CNTNAP2: variants seen among roughly 807,000 people sequenced by gnomAD.
CNTNAP2 encodes the protein contactin associated protein 2.
Under a neutral mutation model 155.2 loss-of-function variants are expected in CNTNAP2, and 98 were observed. That is an observed-to-expected ratio of 0.63 (90% CI 0.54 to 0.75). The LOEUF (loss-of-function observed/expected upper bound fraction) is 0.75. CNTNAP2 is among the 30% of genes least tolerant of loss of function. The pLI, the probability that CNTNAP2 is intolerant of heterozygous loss-of-function variation, is 0.00. For missense variants in CNTNAP2, 1,727 were observed against 1,688.1 expected (o/e 1.02, Z -0.40); for synonymous variants, 651 against 631.2 (o/e 1.03, Z -0.47).
At chr7:147,245,704 G>C (rs997555039) in intron 8 of CNTNAP2, among the ~76,000 whole-genome samples, 3 of 125,816 alleles carry the variant, frequency 2.4e-5, no homozygotes, top group African/African-American at 9.1e-5. Context: ...CATGTTGGCA[G>C]TAAGCTGAGA....
chr7:146,986,200 T>C (rs759464822), intron 3 of CNTNAP2, among the ~76,000 whole-genome samples: 1 of 152,198 alleles, frequency 6.6e-6, no homozygotes, highest in Non-Finnish European at 1.5e-5. Flanking sequence ...TGTCATTCTA[T>C]GCCTTTGCAT....
chr7:146,702,704 C>G (rs1800897574), intron 1 of CNTNAP2, among the ~76,000 whole-genome samples: 1 of 152,098 alleles, frequency 6.6e-6, no homozygotes, highest in South Asian at 2.1e-4. Context: ...CTTCAATTAT[C>G]TGGAAACTCA....
At chr7:146,578,852 AT>A (rs913641808) in intron 1 of CNTNAP2, among the ~76,000 whole-genome samples, 3 of 151,946 alleles carry the variant, frequency 2.0e-5, no homozygotes, top group East Asian at 1.9e-4. Flanking sequence ...ATTAAGTCAG[AT>A]TTTTTTTAAA....
At chr7:146,755,438 GA>G (rs962626589) in intron 1 of CNTNAP2, among the ~76,000 whole-genome samples, 3 of 152,080 alleles carry the variant, frequency 2.0e-5, no homozygotes, top group Admixed American at 1.3e-4. Context: ...GAAGATATTA[GA>G]AAACTCAAAT....
At chr7:147,629,272 G>A (rs1292693546) in intron 12 of CNTNAP2, among the ~76,000 whole-genome samples, 4 of 151,896 alleles carry the variant, frequency 2.6e-5, no homozygotes, top group Non-Finnish European at 5.9e-5. Context: ...GCAACGTGAT[G>A]GGTGCCTGTA....
chr7:147,933,501 A>ATAGAT (rs1246775053), intron 14 of CNTNAP2, among the ~76,000 whole-genome samples: 9 of 84,018 alleles, frequency 1.1e-4, no homozygotes, highest in Admixed American at 7.3e-4. Context: ...TGTGAGATAG[A>ATAGAT]TAGATAGATA....
At chr7:146,870,127 A>G (rs1265968103) in intron 3 of CNTNAP2, among the ~76,000 whole-genome samples, 3 of 151,890 alleles carry the variant, frequency 2.0e-5, no homozygotes, top group Non-Finnish European at 4.4e-5. Flanking sequence ...TCCCTCCTCA[A>G]TATTTTGGAA....
chr7:147,214,365 G>A (rs992490789), intron 8 of CNTNAP2, among the ~76,000 whole-genome samples: 2 of 151,996 alleles, frequency 1.3e-5, no homozygotes, highest in Non-Finnish European at 2.9e-5. Flanking sequence ...TAATAATATA[G>A]GACACTGGCT....
intron 8 of CNTNAP2, among the ~76,000 whole-genome samples, chr7:147,177,572 A>T (rs1275700958): frequency 6.6e-6 from 1 of 152,192 alleles, no homozygotes; most frequent in African/African-American, 2.4e-5. Flanking sequence ...TAGCTTCTGT[A>T]GTCAATGATT....
At chr7:148,032,750 T>A (rs942553885) in intron 15 of CNTNAP2, among the ~76,000 whole-genome samples, 3 of 152,166 alleles carry the variant, frequency 2.0e-5, no homozygotes, top group African/African-American at 7.2e-5. Context: ...GCCATTCACC[T>A]CACCTGCTGA....
chr7:146,718,951 T>C (rs1801238682), intron 1 of CNTNAP2, among the ~76,000 whole-genome samples: 2 of 152,192 alleles, frequency 1.3e-5, no homozygotes, highest in South Asian at 4.1e-4. Flanking sequence ...TTTACAATTA[T>C]GTCCAATACG....
rs1036099687 is a variant in CNTNAP2 at position 147,422,237 on chromosome 7, A to G, written c.1670+26457A>G. On this transcript the variant is annotated intron_variant, in intron 10 of 23. Transcript: ENST00000361727. The stretch of plus-strand genomic sequence containing the variant: ...TATATATACTGTATATATAGTGTGT[A>G]TATAGTATACTCATACACACAATAT... 1.7e-4 allele frequency among the ~76,000 whole-genome samples: 26 copies of G among 149,408 alleles called. 1 individual carries two copies. Among genetic ancestry groups the G allele is most frequent in the African/African-American group, 6.1e-4 (25 of 40,914 alleles).
chr7:147,023,722 T>C (rs1798854248), intron 3 of CNTNAP2, among the ~76,000 whole-genome samples: 1 of 152,228 alleles, frequency 6.6e-6, no homozygotes, highest in Non-Finnish European at 1.5e-5. Context: ...CTTCTAGGCA[T>C]CTGCCCTCCT....
chr7:147,425,952 A>G (rs1372473160), intron 10 of CNTNAP2, among the ~76,000 whole-genome samples: 1 of 152,122 alleles, frequency 6.6e-6, no homozygotes, highest in Non-Finnish European at 1.5e-5. Context: ...TAATCTATAA[A>G]TTCATTTTAT....
rs191208946 is a variant in CNTNAP2, at chr7:147,867,415, G to A, written c.2099-36150G>A. 6.0e-4 allele frequency among the ~76,000 whole-genome samples: 91 copies of A among 152,106 alleles called. 1 individual carries two copies. The highest frequency in any genetic ancestry group is 1.9e-3 in the Admixed American group (29 of 15,254). On this transcript the variant is annotated intron_variant, in intron 13 of 23. Coordinates refer to ENST00000361727, the MANE Select transcript of CNTNAP2 (RefSeq NM_014141.6). ...TCATTTCAACCTTGGTGAATCTGAC[G>A]GTTATGTACCTTGGAGTGGCTCTTC...
intron 13 of CNTNAP2, among the ~76,000 whole-genome samples, chr7:147,889,202 A>G (rs1016433159): frequency 6.6e-6 from 1 of 152,104 alleles, no homozygotes; most frequent in African/African-American, 2.4e-5. Flanking sequence ...AAAACTATCA[A>G]TTCAGAAGGA....
At chr7:147,026,447 G>A (rs1016116731) in intron 3 of CNTNAP2, among the ~76,000 whole-genome samples, 3 of 152,024 alleles carry the variant, frequency 2.0e-5, no homozygotes, top group South Asian at 2.1e-4. Flanking sequence ...TTTTTCCATC[G>A]ATTTAATTTT....
intron 3 of CNTNAP2, among the ~76,000 whole-genome samples, chr7:146,906,970 G>A (rs1263151293): frequency 1.3e-5 from 2 of 148,766 alleles, no homozygotes; most frequent in South Asian, 2.2e-4. Context: ...AGCTGATGGA[G>A]CTGAAAACCA....
Position 146,159,495 on chromosome 7 carries a change from C to G in CNTNAP2, c.97+42522C>G, listed in dbSNP as rs548242340. Among the ~76,000 whole-genome samples the G allele has an allele frequency of 1.2e-4, 19 of 152,156 alleles. No homozygotes were observed. In the East Asian group the frequency reaches 3.7e-3, roughly 30 times the overall value. ...ATCAGTGTGCTGTATTCAGGAGACCCACCTCACATGCAGAGACACACATAG... is the reference window on the plus strand; with the variant it reads ...ATCAGTGTGCTGTATTCAGGAGACCGACCTCACATGCAGAGACACACATAG... On this transcript the variant is annotated intron_variant, in intron 1 of 23. Transcript: ENST00000361727.
Sources: gnomAD v4.1 joint callset for allele counts (sites outside exome capture counted in the v4.1 genomes callset) on GRCh38, gnomAD v4.1.1 for gene constraint, MANE v1.5 for transcripts, NCBI Gene and HGNC (gene_info 2026-07-23, HGNC 2026-07-21) for gene names.